Variants in SVIL observed in about 807,000 individuals in gnomAD.
The protein encoded by SVIL is archvillin.
In SVIL, 101 loss-of-function variants were observed where a neutral mutation model predicts 240.4. That is an observed-to-expected ratio of 0.42 (90% CI 0.36 to 0.50). The LOEUF is 0.50. SVIL is among the 20% of genes least tolerant of loss of function. The pLI, the probability that SVIL is intolerant of heterozygous loss-of-function variation, is 0.01. For synonymous variants in SVIL, 999 were observed against 1,100.0 expected (o/e 0.91, Z 1.82); for missense variants, 2,512 against 2,818.7 (o/e 0.89, Z 2.46).
At chr10:29,668,864 C>A (rs549765916) in intron 2 of SVIL, among the ~76,000 whole-genome samples, 79 of 152,284 alleles carry the variant, frequency 5.2e-4, no homozygotes, top group African/African-American at 1.8e-3. Context: ...AAAAACATAA[C>A]TGCACTATGA....
chr10:29,652,228 G>T (rs377228840), intron 3 of SVIL, among the ~76,000 whole-genome samples: 1 of 152,082 alleles, frequency 6.6e-6, no homozygotes, highest in Non-Finnish European at 1.5e-5. Flanking sequence ...ACCCCCTGTC[G>T]TAGGCAACCA....
At chr10:29,465,829 T>A (rs943958457) in intron 33 of SVIL, 79 bp from the exon 34 acceptor site, 4 of 1,519,382 alleles carry the variant, frequency 2.6e-6, no homozygotes, top group Middle Eastern at 2.3e-4. Flanking sequence ...ATGTAAAATA[T>A]GAAATAATTC....
chr10:29,562,769 GAAAAAAAA>G (rs34507610), intron 3 of SVIL, among the ~76,000 whole-genome samples: 189 of 115,750 alleles, frequency 1.6e-3, no homozygotes, highest in African/African-American at 6.1e-3. Flanking sequence ...TCAAAAAAAA[GAAAAAAAA>G]AAAAAAAAAA....
chr10:29,707,898 A>G (rs12571613), intron 1 of SVIL, among the ~76,000 whole-genome samples: 30,061 of 151,962 alleles, frequency 0.2, 3,454 homozygotes, highest in East Asian at 0.29. Context: ...TGGCTAGTAA[A>G]TATCAGGGCT....
In SVIL at chr10:29,605,658, T is replaced by C. The variant is rs537576594; in HGVS notation, c.-201+28762A>G. On this transcript the variant is annotated intron_variant, in intron 1 of 37. Transcript: ENST00000355867. ...CAAATAGTTTTCCTAGTTTTTTTTT[T>C]CTCTTTAGTGGGTTTTTTCCCCTTA... Among the ~76,000 whole-genome samples, 8 of 150,212 alleles carry C rather than the reference T, an allele frequency of 5.3e-5. No homozygotes were observed. The East Asian group carries it at 1.6e-3, about 29-fold the overall frequency.
At chr10:29,630,390 A>G (rs1463279406) in intron 1 of SVIL, among the ~76,000 whole-genome samples, 1 of 152,234 alleles carries the variant, frequency 6.6e-6, no homozygotes, top group Non-Finnish European at 1.5e-5. Flanking sequence ...GGACAAGCAC[A>G]TTAGGAGGAA....
At chr10:29,492,126 T>G (rs1340682179) in intron 21 of SVIL, among the ~76,000 whole-genome samples, 1 of 152,126 alleles carries the variant, frequency 6.6e-6, no homozygotes. Context: ...GGATTTTCCT[T>G]TGGGGAAACC....
At chr10:29,485,030 G>A (rs1288536842) in intron 26 of SVIL, among the ~76,000 whole-genome samples, 199 bp from the exon 27 acceptor site, 5 of 151,870 alleles carry the variant, frequency 3.3e-5, no homozygotes, top group South Asian at 2.1e-4. Context: ...CTGCGGGCAC[G>A]ATTCCTCCTC....
chr10:29,622,078 G>A (rs1350243772), intron 1 of SVIL, among the ~76,000 whole-genome samples: 10 of 150,790 alleles, frequency 6.6e-5, no homozygotes, highest in African/African-American at 2.4e-4. Context: ...GTGAAACCCC[G>A]TCTCTACTAA....
chr10:29,721,011 T>G (rs1341618134), intron 1 of SVIL, among the ~76,000 whole-genome samples: 1 of 152,156 alleles, frequency 6.6e-6, no homozygotes, highest in Non-Finnish European at 1.5e-5. Context: ...CACAACCCAC[T>G]AATTTTTGTA....
At chr10:29,497,832 A>C (rs7067645) in intron 18 of SVIL, among the ~76,000 whole-genome samples, 5,692 of 152,260 alleles carry the variant, frequency 0.037, 370 homozygotes, top group African/African-American at 0.13. Flanking sequence ...CTGTAATCCC[A>C]GCACTTTGGG....
intron 1 of SVIL, among the ~76,000 whole-genome samples, chr10:29,712,800 C>G (rs2132672112): frequency 6.6e-6 from 1 of 152,296 alleles, no homozygotes. Flanking sequence ...GTTAGTGGTA[C>G]TAGTCCCCTC....
At chr10:29,673,933 C>G (rs1409360579) in intron 2 of SVIL, among the ~76,000 whole-genome samples, 3 of 152,178 alleles carry the variant, frequency 2.0e-5, no homozygotes, top group Non-Finnish European at 4.4e-5. Flanking sequence ...GTAGAAAATT[C>G]TCTAATTAAG....
At chr10:29,529,367 C>CAGCCAGGAGGG (rs1554837332) in intron 12 of SVIL, among the ~76,000 whole-genome samples, 4 of 150,672 alleles carry the variant, frequency 2.7e-5, no homozygotes, top group Non-Finnish European at 5.9e-5. Context: ...TGAGCATCAC[C>CAGCCAGGAGGG]GGCCAGGAGC....
intron 1 of SVIL, among the ~76,000 whole-genome samples, chr10:29,587,119 C>G (rs565017254): frequency 6.6e-6 from 1 of 152,236 alleles, no homozygotes; most frequent in Non-Finnish European, 1.5e-5. Flanking sequence ...ACACAAGCTA[C>G]GCAGTGAAGA....
intron 1 of SVIL, among the ~76,000 whole-genome samples, chr10:29,705,916 T>G (rs1319369437): frequency 6.6e-6 from 1 of 152,238 alleles, no homozygotes; most frequent in Non-Finnish European, 1.5e-5. Flanking sequence ...ATTCCATGAC[T>G]TTGCTATTGT....
intron 2 of SVIL, among the ~76,000 whole-genome samples, chr10:29,670,830 G>A (rs1398191079): frequency 3.3e-5 from 5 of 152,198 alleles, no homozygotes; most frequent in Non-Finnish European, 7.3e-5. Flanking sequence ...AATCACATCT[G>A]TTTCAGCCAA....
At position 29,465,684 on chromosome 10, in the gene SVIL, G is replaced by A. The variant is rs747705163; in HGVS notation, c.6044C>T (p.Ala2015Val). The A allele has an allele frequency of 1.9e-6, 3 of 1,613,348 alleles. No individual in the cohort carries two copies. The African/African-American group carries it at 4.0e-5, about 22-fold the overall frequency. ...TCGGGCAGGGTACACAAACTCTGTGGCTGCAAAATCCCCAGAGGAGCTGCT... is the reference window on the plus strand; with the variant it reads ...TCGGGCAGGGTACACAAACTCTGTGACTGCAAAATCCCCAGAGGAGCTGCT... ...ILSSSSGDFAATEFVYPARAP... is the reference protein window; with the variant it reads ...ILSSSSGDFAVTEFVYPARAP... The change falls in exon 34 of 38, where the codon GCC becomes GTC. Residue 2015 changes from alanine to valine, a missense_variant. Physicochemically the swap from Ala to Val is moderately conservative, Grantham distance 64. Coordinates refer to ENST00000355867, the MANE Select transcript of SVIL (RefSeq NM_021738.3).
Position 29,709,285 on chromosome 10 carries a change from T to C in SVIL, c.-399-22634A>G, listed in dbSNP as rs370768034. 7.9e-5 allele frequency among the ~76,000 whole-genome samples: 12 copies of C among 152,356 alleles called. No individual in the cohort carries two copies. In the East Asian group the frequency reaches 1.5e-3, roughly 20 times the overall value. On this transcript the variant is annotated intron_variant, in intron 1 of 35. Coordinates refer to the SVIL transcript ENST00000375400. ...AACTCTGACACCCTAAGTGCTCCAATGAGCATAACCTTTGAGTGTCGTGTC... is the reference window on the plus strand; with the variant it reads ...AACTCTGACACCCTAAGTGCTCCAACGAGCATAACCTTTGAGTGTCGTGTC...
Sources: allele counts gnomAD v4.1 joint callset (sites outside exome capture counted in the v4.1 genomes callset), GRCh38; gene constraint gnomAD v4.1.1; transcripts MANE v1.5; gene names NCBI Gene and HGNC (gene_info 2026-07-23, HGNC 2026-07-21).